SMAP1: variants seen among roughly 807,000 people sequenced by gnomAD.
SMAP1 encodes small ArfGAP 1.
A neutral mutation model predicts 58.5 loss-of-function variants in SMAP1; 24 were observed. The ratio of observed to expected loss-of-function variants is 0.41; its 90% CI spans 0.30 to 0.58. The LOEUF (loss-of-function observed/expected upper bound fraction) is 0.58, where lower values mean the gene tolerates loss of function less well. Ranked by LOEUF, SMAP1 falls within the 20% of genes least tolerant of loss-of-function variation. The pLI, the probability that SMAP1 is intolerant of heterozygous loss-of-function variation, is 0.29. For missense variants in SMAP1, 563 were observed against 566.3 expected, an observed-to-expected ratio of 0.99 and a Z score of 0.06; for synonymous variants, 216 against 196.6, an observed-to-expected ratio of 1.10 and a Z score of -0.82.
At chr6:70,757,991 A>G (rs962865991) in intron 3 of SMAP1, among the ~76,000 whole-genome samples, 9 of 151,954 alleles carry the variant, frequency 5.9e-5, no homozygotes, top group Admixed American at 2.0e-4. Flanking sequence ...AACTAGAAAT[A>G]CCATTTGACC....
chr6:70,803,033 G>A (rs540715294), intron 6 of SMAP1, among the ~76,000 whole-genome samples: 3 of 152,186 alleles, frequency 2.0e-5, no homozygotes, highest in African/African-American at 7.2e-5. Context: ...AATGAGTTAG[G>A]GAGGATTCCC....
At chr6:70,675,007 A>G (rs1386757453) in intron 1 of SMAP1, among the ~76,000 whole-genome samples, 3 of 152,086 alleles carry the variant, frequency 2.0e-5, no homozygotes, top group African/African-American at 4.8e-5. Context: ...AGTTTTGGAT[A>G]TAGTTGTCTA....
rs531148368 is a variant in SMAP1, at chr6:70,829,754, G to A, written c.577-7187G>A. Among the ~76,000 whole-genome samples, 18 of 152,246 alleles carry A rather than the reference G, an allele frequency of 1.2e-4. No individual in the cohort carries two copies. In the East Asian group the frequency reaches 3.5e-3, roughly 29 times the overall value. On this transcript the variant is annotated intron_variant, in intron 6 of 10. Coordinates refer to ENST00000370455, the MANE Select transcript of SMAP1 (RefSeq NM_001044305.3). ...ATAATTTGAGATGTCAGTTTTAAAAGAAAATTTTGAATAATTACCACTAGA... is the reference window on the plus strand; with the variant it reads ...ATAATTTGAGATGTCAGTTTTAAAAAAAAATTTTGAATAATTACCACTAGA...
intron 3 of SMAP1, among the ~76,000 whole-genome samples, chr6:70,758,298 C>T (rs898994361): frequency 3.4e-5 from 5 of 147,626 alleles, no homozygotes; most frequent in Non-Finnish European, 7.4e-5. Flanking sequence ...CATATTCTCA[C>T]TTATAGGTGG....
At chr6:70,730,316 C>CG (rs5877260) in intron 1 of SMAP1, among the ~76,000 whole-genome samples, 103,814 of 152,068 alleles carry the variant, frequency 0.68, 36,761 homozygotes, top group African/African-American at 0.87. Flanking sequence ...CTTGGCTTCC[C>CG]AAGTGCAGGG....
At chr6:70,770,837 G>A (rs1582151218) in intron 3 of SMAP1, among the ~76,000 whole-genome samples, 1 of 152,172 alleles carries the variant, frequency 6.6e-6, no homozygotes, top group South Asian at 2.1e-4. Flanking sequence ...GCTTTTTAGA[G>A]TTTCCAGTTT....
intron 10 of SMAP1, chr6:70,858,581 C>T (rs1488115370): frequency 6.0e-6 from 1 of 167,314 alleles, no homozygotes; most frequent in Non-Finnish European, 1.3e-5. Context: ...AAGCTTTATC[C>T]AGCTTGCTGG....
chr6:70,828,872 A>G (rs1770246132), intron 6 of SMAP1, among the ~76,000 whole-genome samples: 1 of 152,064 alleles, frequency 6.6e-6, no homozygotes, highest in South Asian at 2.1e-4. Context: ...GCTCTGTCTC[A>G]AACCCCAACA....
chr6:70,838,486 G>T (rs577974732), intron 7 of SMAP1, among the ~76,000 whole-genome samples: 10 of 152,268 alleles, frequency 6.6e-5, no homozygotes, highest in South Asian at 2.1e-4. Flanking sequence ...ATAGATGAAA[G>T]AAAACAAAAA....
chr6:70,682,348 C>A (rs1240643013), intron 1 of SMAP1, among the ~76,000 whole-genome samples: 1 of 151,772 alleles, frequency 6.6e-6, no homozygotes, highest in Non-Finnish European at 1.5e-5. Flanking sequence ...ACCACCACGC[C>A]CAGCTAACTT....
intron 6 of SMAP1, among the ~76,000 whole-genome samples, chr6:70,804,815 T>A (rs1482367263): frequency 5.3e-5 from 8 of 152,156 alleles, no homozygotes; most frequent in East Asian, 1.9e-4. Flanking sequence ...AAGAATGTTG[T>A]ATATTGACCC....
At chr6:70,842,597 G>A (rs1409896358) in intron 7 of SMAP1, among the ~76,000 whole-genome samples, 1 of 152,170 alleles carries the variant, frequency 6.6e-6, no homozygotes, top group Non-Finnish European at 1.5e-5. Context: ...GAGTAAAATT[G>A]ACCTCTGAAT....
intron 5 of SMAP1, among the ~76,000 whole-genome samples, chr6:70,793,164 A>T (rs1768442818): frequency 1.3e-5 from 2 of 151,996 alleles, no homozygotes; most frequent in South Asian, 4.1e-4. Context: ...CCTCCTGAGT[A>T]GCTGGGACTA....
Position 70,740,208 on chromosome 6 carries a change from A to G in SMAP1, c.252+7697A>G, listed in dbSNP as rs1034748383. On this transcript the variant is annotated intron_variant, in intron 2 of 10. Coordinates refer to ENST00000370455, the MANE Select transcript of SMAP1 (RefSeq NM_001044305.3). ...TACTTTTAGGAGGAAGTCCTATTCA[A>G]GATAGCTTTTTTAACTTCACATACC... Among the ~76,000 whole-genome samples, 4 of 152,264 alleles carry G rather than the reference A, an allele frequency of 2.6e-5. No homozygotes were observed. The East Asian group carries it at 5.8e-4, about 22-fold the overall frequency.
chr6:70,755,765 A>G (rs1766461808), intron 3 of SMAP1, among the ~76,000 whole-genome samples: 1 of 152,038 alleles, frequency 6.6e-6, no homozygotes, highest in South Asian at 2.1e-4. Flanking sequence ...GTTACTAGAA[A>G]CTTGATTTGT....
At chr6:70,743,581 T>G (rs1204049059) in intron 2 of SMAP1, among the ~76,000 whole-genome samples, 14 of 152,220 alleles carry the variant, frequency 9.2e-5, no homozygotes, top group Admixed American at 6.5e-4. Flanking sequence ...AGTAAACAAT[T>G]CTTGGTATAC....
chr6:70,760,995 A>G (rs545658781), intron 3 of SMAP1, among the ~76,000 whole-genome samples: 2 of 152,158 alleles, frequency 1.3e-5, no homozygotes, highest in South Asian at 2.1e-4. Flanking sequence ...CATGAGATCT[A>G]TTGTGTACCA....
chr6:70,841,691 G>C (rs1770813807), intron 7 of SMAP1, among the ~76,000 whole-genome samples: 1 of 152,116 alleles, frequency 6.6e-6, no homozygotes, highest in Non-Finnish European at 1.5e-5. Context: ...GGAACATACA[G>C]TTTTGGGCAA....
chr6:70,766,176 T>C (rs1200794846), intron 3 of SMAP1, among the ~76,000 whole-genome samples: 1 of 152,188 alleles, frequency 6.6e-6, no homozygotes, highest in East Asian at 1.9e-4. Flanking sequence ...TCCAAGTCTT[T>C]GCTATTGTGA....
Sources: allele counts gnomAD v4.1 joint callset (sites outside exome capture counted in the v4.1 genomes callset), GRCh38; gene constraint gnomAD v4.1.1; transcripts MANE v1.5; gene names NCBI Gene and HGNC (gene_info 2026-07-23, HGNC 2026-07-21).